Variants in ROR2 observed in about 807,000 individuals in gnomAD.
ROR2 encodes the protein tyrosine-protein kinase transmembrane receptor ROR2.
A neutral mutation model predicts 74.9 loss-of-function variants in ROR2; 33 were observed. The observed-to-expected ratio is 0.44, with a 90% CI of 0.33 to 0.59. The LOEUF (loss-of-function observed/expected upper bound fraction) is 0.59, where lower values mean the gene tolerates loss of function less well. Among genes scored for constraint, ROR2 ranks in the 20% least tolerant of loss-of-function variants. ROR2 has a pLI of 0.02. For synonymous variants in ROR2, 586 were observed against 558.7 expected (o/e 1.05, Z -0.69); for missense variants, 1,216 against 1,313.8 (o/e 0.93, Z 1.15).
intron 1 of ROR2, among the ~76,000 whole-genome samples, chr9:91,931,378 AT>A (rs1554694267): frequency 4.6e-5 from 7 of 152,336 alleles, no homozygotes; most frequent in Non-Finnish European, 8.8e-5. Flanking sequence ...AGGCTCTGTC[AT>A]GAATATATGT....
intron 4 of ROR2, among the ~76,000 whole-genome samples, chr9:91,746,412 A>G (rs907831702): frequency 1.3e-5 from 2 of 152,264 alleles, no homozygotes; most frequent in East Asian, 3.9e-4. Flanking sequence ...TCTAATTACC[A>G]GCTTCTTACT....
chr9:91,814,417 G>A (rs566969947), intron 1 of ROR2, among the ~76,000 whole-genome samples: 3 of 152,188 alleles, frequency 2.0e-5, no homozygotes, highest in South Asian at 2.1e-4. Flanking sequence ...GAGAAGAGCG[G>A]CCATCCATCA....
chr9:91,873,034 T>C (rs926580946), intron 1 of ROR2, among the ~76,000 whole-genome samples: 1 of 152,242 alleles, frequency 6.6e-6, no homozygotes, highest in Admixed American at 6.5e-5. Flanking sequence ...AATGTCAACA[T>C]TTTTGTCATC....
chr9:91,839,279 T>TGTGTGTGTGTGTGTAAGTACAGGC (rs1587770256), intron 1 of ROR2, among the ~76,000 whole-genome samples: 16 of 136,586 alleles, frequency 1.2e-4, no homozygotes, highest in African/African-American at 5.3e-4. Flanking sequence ...TGTGTGTGTG[T>TGTGTGTGTGTGTGTAAGTACAGGC]GTGTGTGTGT....
At chr9:91,893,689 A>G (rs1457896475) in intron 1 of ROR2, among the ~76,000 whole-genome samples, 1 of 152,148 alleles carries the variant, frequency 6.6e-6, no homozygotes, top group Non-Finnish European at 1.5e-5. Flanking sequence ...TTCACATCCA[A>G]GACTCCTTCA....
intron 1 of ROR2, among the ~76,000 whole-genome samples, chr9:91,879,601 C>T (rs1476393798): frequency 6.6e-6 from 1 of 152,154 alleles, no homozygotes; most frequent in African/African-American, 2.4e-5. Flanking sequence ...TTTTGATATA[C>T]ACTCACGCAC....
intron 1 of ROR2, among the ~76,000 whole-genome samples, chr9:91,876,905 A>G (rs1829970978): frequency 6.6e-6 from 1 of 152,204 alleles, no homozygotes; most frequent in South Asian, 2.1e-4. Flanking sequence ...AGCATCACCA[A>G]GCTGAACGAC....
chr9:91,749,203 T>C (rs1390924972), intron 4 of ROR2, among the ~76,000 whole-genome samples: 3 of 152,196 alleles, frequency 2.0e-5, no homozygotes, highest in Non-Finnish European at 4.4e-5. Context: ...AAAGATAATT[T>C]AGAAAAATGG....
chr9:91,813,538 G>A (rs1028184544), intron 1 of ROR2, among the ~76,000 whole-genome samples: 1 of 152,164 alleles, frequency 6.6e-6, no homozygotes, highest in Admixed American at 6.5e-5. Context: ...TCAAGAAAGG[G>A]GCTTTGTGAA....
At chr9:91,762,079 C>T (rs946022106) in intron 2 of ROR2, among the ~76,000 whole-genome samples, 5 of 152,280 alleles carry the variant, frequency 3.3e-5, no homozygotes, top group South Asian at 2.1e-4. Context: ...GACCAAACCC[C>T]GGTGTTTCAG....
intron 1 of ROR2, among the ~76,000 whole-genome samples, chr9:91,907,147 A>G (rs1382928380): frequency 2.6e-5 from 4 of 152,126 alleles, no homozygotes; most frequent in African/African-American, 4.8e-5. Flanking sequence ...TAAAATAAGA[A>G]ATCTGCATAA....
intron 1 of ROR2, among the ~76,000 whole-genome samples, chr9:91,832,828 GAGA>G (rs1171086226): frequency 2.6e-5 from 4 of 152,202 alleles, no homozygotes; most frequent in Non-Finnish European, 5.9e-5. Flanking sequence ...AAACAATGGA[GAGA>G]AACAGCAACT....
intron 1 of ROR2, among the ~76,000 whole-genome samples, chr9:91,938,688 G>GA (rs2118028383): frequency 6.6e-6 from 1 of 152,276 alleles, no homozygotes; most frequent in Non-Finnish European, 1.5e-5. Flanking sequence ...AGGAAGGCGA[G>GA]AGTTTTTAAA....
intron 1 of ROR2, among the ~76,000 whole-genome samples, chr9:91,885,315 G>C (rs1346246229): frequency 6.6e-6 from 1 of 152,166 alleles, no homozygotes; most frequent in East Asian, 1.9e-4. Context: ...GGGGGTTGGG[G>C]GGCGGTAGGG....
At chr9:91,895,428 T>C (rs181321892) in intron 1 of ROR2, among the ~76,000 whole-genome samples, 3 of 152,368 alleles carry the variant, frequency 2.0e-5, no homozygotes, top group African/African-American at 4.8e-5. Context: ...TATATCAATA[T>C]AGGTTCATCA....
intron 1 of ROR2, among the ~76,000 whole-genome samples, chr9:91,836,406 G>A (rs535852627): frequency 6.6e-6 from 1 of 152,202 alleles, no homozygotes; most frequent in Non-Finnish European, 1.5e-5. Context: ...CAGTCGTAGT[G>A]GTGCGTGCCT....
intron 1 of ROR2, among the ~76,000 whole-genome samples, chr9:91,799,334 C>T (rs1237467602): frequency 1.3e-5 from 2 of 152,226 alleles, no homozygotes; most frequent in African/African-American, 4.8e-5. Flanking sequence ...CCCCAACACA[C>T]AGGACAGCCC....
chr9:91,799,108 C>T (rs1827290859), intron 1 of ROR2, among the ~76,000 whole-genome samples: 1 of 152,164 alleles, frequency 6.6e-6, no homozygotes, highest in South Asian at 2.1e-4. Context: ...GTTCTGAATC[C>T]ACCTGTGTGT....
intron 1 of ROR2, among the ~76,000 whole-genome samples, chr9:91,949,057 G>A (rs932709104): frequency 4.0e-5 from 6 of 151,712 alleles, no homozygotes; most frequent in South Asian, 2.1e-4. Context: ...GCCCCGGGAG[G>A]AAACCCACCT....
Sources: gnomAD v4.1 joint callset for allele counts (sites outside exome capture counted in the v4.1 genomes callset) on GRCh38, gnomAD v4.1.1 for gene constraint, MANE v1.5 for transcripts, NCBI Gene and HGNC (gene_info 2026-07-23, HGNC 2026-07-21) for gene names.